The following COLEC10 variants were observed in gnomAD, a reference collection of about 807,000 sequenced individuals.
The protein encoded by COLEC10 is collectin-10.
Under a neutral mutation model 28.4 loss-of-function variants are expected in COLEC10, and 22 were observed. The observed-to-expected ratio is 0.78, with a 90% confidence interval of 0.55 to 1.11. The LOEUF (loss-of-function observed/expected upper bound fraction) is 1.11. COLEC10 is among the 50% of genes least tolerant of loss of function. The pLI is 0.00. For missense variants in COLEC10, 361 were observed against 344.1 expected, an observed-to-expected ratio of 1.05 and a Z score of -0.39; for synonymous variants, 125 against 116.1, an observed-to-expected ratio of 1.08 and a Z score of -0.49.
chr8:119,030,228 G>A (rs935537544), intron 2 of COLEC10, among the ~76,000 whole-genome samples: 3 of 152,010 alleles, frequency 2.0e-5, no homozygotes, highest in African/African-American at 7.2e-5. Context: ...GTAGATTGGG[G>A]CATTATGTTT....
chr8:119,036,475 C>T (rs1814391149), intron 2 of COLEC10, among the ~76,000 whole-genome samples: 1 of 152,034 alleles, frequency 6.6e-6, no homozygotes, highest in Non-Finnish European at 1.5e-5. Flanking sequence ...ATTGCCGAAT[C>T]CAATAGTAAG....
intron 2 of COLEC10, among the ~76,000 whole-genome samples, chr8:119,020,881 G>A (rs917707256): frequency 4.6e-5 from 7 of 152,218 alleles, no homozygotes; most frequent in African/African-American, 1.7e-4. Flanking sequence ...TGGATTTTAT[G>A]TATGTTAGAA....
intron 2 of COLEC10, among the ~76,000 whole-genome samples, chr8:119,056,661 A>G (rs966861450): frequency 1.3e-5 from 2 of 152,052 alleles, no homozygotes; most frequent in African/African-American, 4.8e-5. Context: ...CTCATTTCAT[A>G]AAGTCAGTAA....
At chr8:118,981,389 A>T in the COLEC10 span, among the ~76,000 whole-genome samples, 1 of 151,524 alleles carries the variant, frequency 6.6e-6, no homozygotes, top group African/African-American at 2.4e-5. Context: ...TATTTTGTTT[A>T]AAAAAATTTA....
At chr8:119,056,127 A>T (rs1297256004) in intron 2 of COLEC10, among the ~76,000 whole-genome samples, 2 of 152,056 alleles carry the variant, frequency 1.3e-5, no homozygotes, top group East Asian at 1.9e-4. Flanking sequence ...TTTCCAAAGA[A>T]TCAATAGATC....
intron 3 of COLEC10, among the ~76,000 whole-genome samples, chr8:119,097,156 A>G (rs1442820605): frequency 6.6e-6 from 1 of 152,100 alleles, no homozygotes; most frequent in Non-Finnish European, 1.5e-5. Context: ...AGATGACACA[A>G]AAGTGGCTTC....
chr8:118,965,382 T>G, the COLEC10 span, among the ~76,000 whole-genome samples: 1 of 152,290 alleles, frequency 6.6e-6, no homozygotes, highest in Middle Eastern at 3.4e-3. Flanking sequence ...GGCATAGTAC[T>G]TTTTACACTT....
intron 2 of COLEC10, among the ~76,000 whole-genome samples, chr8:119,009,821 C>T (rs755114293): frequency 3.4e-5 from 5 of 145,358 alleles, no homozygotes; most frequent in Non-Finnish European, 5.9e-5. Context: ...ACAACTTACC[C>T]GCAATTGAAA....
At chr8:118,991,093 T>C (rs1813499069), upstream of COLEC10, among the ~76,000 whole-genome samples, 1 of 152,188 alleles carries the variant, frequency 6.6e-6, no homozygotes, top group East Asian at 1.9e-4. Flanking sequence ...AATTTTATTT[T>C]GACAAATTAT....
At chr8:119,014,831 T>C (rs1286855347) in intron 2 of COLEC10, among the ~76,000 whole-genome samples, 5 of 151,154 alleles carry the variant, frequency 3.3e-5, no homozygotes, top group Non-Finnish European at 7.4e-5. Context: ...CAGATTTTTT[T>C]CCCTCTACTG....
At chr8:119,074,167 T>C (rs1328486679) in intron 1 of COLEC10, among the ~76,000 whole-genome samples, 2 of 151,936 alleles carry the variant, frequency 1.3e-5, no homozygotes, top group Admixed American at 6.6e-5. Flanking sequence ...TGGGGGGACC[T>C]AGAGACAATT....
the COLEC10 span, among the ~76,000 whole-genome samples, chr8:118,990,054 T>C: frequency 6.6e-6 from 1 of 151,602 alleles, no homozygotes; most frequent in Non-Finnish European, 1.5e-5. Flanking sequence ...CAATAACAAC[T>C]TGGGGCTTTG....
upstream of COLEC10, chr8:119,063,369 T>C (rs925259361): frequency 5.9e-5 from 9 of 152,192 alleles, no homozygotes; most frequent in Middle Eastern, 3.2e-3. Flanking sequence ...AAGTACAAAA[T>C]CAAGCTGTAG....
Position 119,012,562 on chromosome 8 carries a change from A to G in COLEC10, n.235+3009A>G, listed in dbSNP as rs1007970462. ...AATTTTGGTATTATTTCTTCCTGAT[A>G]TATTTGATAGAATTCACTAGTGAAA... On this transcript the variant is annotated intron_variant and non_coding_transcript_variant, in intron 2 of 6. Coordinates refer to the COLEC10 transcript ENST00000521788. Among the ~76,000 whole-genome samples the G allele has an allele frequency of 1.3e-5, 2 of 150,524 alleles. 1 individual carries two copies. The highest frequency in any genetic ancestry group is 5.0e-5 in the African/African-American group (2 of 40,212).
Position 119,101,017 on chromosome 8 carries a change from C to T in COLEC10, c.293-1331C>T, listed in dbSNP as rs189290695. On this transcript the variant is annotated intron_variant, in intron 3 of 5. Coordinates refer to ENST00000332843, the MANE Select transcript of COLEC10 (RefSeq NM_006438.5). ...TATGTAAGGAACTTTTAAAGAAACA[C>T]ATCAGACAATGATGAGAAAAGCCAA... Among the ~76,000 whole-genome samples the T allele has an allele frequency of 3.3e-5, 5 of 152,314 alleles. No individual in the cohort carries two copies. In the East Asian group the frequency reaches 9.7e-4, roughly 29 times the overall value.
intron 2 of COLEC10, among the ~76,000 whole-genome samples, chr8:119,057,463 A>G (rs1407285378): frequency 6.6e-6 from 1 of 152,056 alleles, no homozygotes; most frequent in African/African-American, 2.4e-5. Context: ...TCCAACCTAG[A>G]TCAGGTGCCT....
chr8:119,098,559 A>G (rs1007125438), intron 3 of COLEC10, among the ~76,000 whole-genome samples: 2 of 152,214 alleles, frequency 1.3e-5, no homozygotes, highest in East Asian at 3.9e-4. Context: ...GTTTGTTTAA[A>G]TAAAATAAGC....
rs117747333 is a variant in COLEC10 at position 119,036,897 on chromosome 8, A to G, written n.235+27344A>G. 4.1e-3 allele frequency among the ~76,000 whole-genome samples: 627 copies of G among 152,274 alleles called. 3 individuals are homozygous for G. Among genetic ancestry groups the G allele is most frequent in the Non-Finnish European group, 7.1e-3 (486 of 68,022 alleles). On this transcript the variant is annotated intron_variant and non_coding_transcript_variant, in intron 2 of 6. Coordinates refer to the COLEC10 transcript ENST00000521788. Reference sequence around the variant, plus strand: ...ACTGAACCTCAAAAGGAGCCATGTGAGAAGGTCACCTGGAGAGAAGCAGTA... The same window carrying G: ...ACTGAACCTCAAAAGGAGCCATGTGGGAAGGTCACCTGGAGAGAAGCAGTA...
At chr8:119,012,159 A>G (rs894250631) in intron 2 of COLEC10, among the ~76,000 whole-genome samples, 2 of 150,814 alleles carry the variant, frequency 1.3e-5, no homozygotes, top group Non-Finnish European at 2.9e-5. Flanking sequence ...GTTTACTGAA[A>G]GTGTTTTTTA....
Sources: gnomAD v4.1 joint callset for allele counts (sites outside exome capture counted in the v4.1 genomes callset) on GRCh38, gnomAD v4.1.1 for gene constraint, MANE v1.5 for transcripts, NCBI Gene and HGNC (gene_info 2026-07-23, HGNC 2026-07-21) for gene names.